Variants in PDE10A observed in about 807,000 individuals in gnomAD.
PDE10A encodes the protein phosphodiesterase 10A, also known as cAMP and cAMP-inhibited cGMP 3',5'-cyclic phosphodiesterase 10A.
A neutral mutation model predicts 97.7 loss-of-function variants in PDE10A; 39 were observed. The observed-to-expected ratio is 0.40, with a 90% CI of 0.31 to 0.52. The LOEUF is 0.52. Among genes scored for constraint, PDE10A ranks in the 20% least tolerant of loss-of-function variants. The probability of loss-of-function intolerance (pLI) is 0.56; values close to 1 mark genes in which losing one functional copy is unlikely to be tolerated. For synonymous variants in PDE10A, 371 were observed against 376.8 expected (o/e 0.98, Z 0.18); for missense variants, 731 against 1,047.8 (o/e 0.70, Z 4.17).
intron 3 of PDE10A, among the ~76,000 whole-genome samples, chr6:165,472,731 T>C (rs1033120700): frequency 1.3e-5 from 2 of 152,088 alleles, no homozygotes; most frequent in Non-Finnish European, 2.9e-5. Flanking sequence ...GTATAACACA[T>C]AGAAGAAATA....
At chr6:165,415,398 A>G (rs1300023499) in intron 12 of PDE10A, among the ~76,000 whole-genome samples, 2 of 152,178 alleles carry the variant, frequency 1.3e-5, no homozygotes, top group African/African-American at 4.8e-5. Context: ...AATTAACTAA[A>G]CACTGCTGTC....
chr6:165,662,837 C>A lies in PDE10A; in HGVS notation c.-26G>T, dbSNP rs1304261514. ...GGTTCCTCCCCGGGCCGCGGAGGGG[C>A]AGGCCGCGGGCGGGAGGGGCGCGGC... On this transcript the variant is annotated 5_prime_UTR_variant, in exon 1 of 22. Transcript: ENST00000539869. Among the ~76,000 whole-genome samples the A allele has an allele frequency of 6.8e-6, 1 of 147,872 alleles. No homozygotes were observed. The highest frequency in any genetic ancestry group is 2.5e-5 in the African/African-American group (1 of 40,336).
chr6:165,439,082 G>T (rs1309154031), intron 5 of PDE10A, among the ~76,000 whole-genome samples: 2 of 151,954 alleles, frequency 1.3e-5, no homozygotes, highest in East Asian at 3.9e-4. Context: ...AGGAAATAGG[G>T]ACTTCATTTT....
At chr6:165,540,662 C>T (rs1047535874) in intron 2 of PDE10A, among the ~76,000 whole-genome samples, 1 of 152,310 alleles carries the variant, frequency 6.6e-6, no homozygotes, top group African/African-American at 2.4e-5. Context: ...TGTTTGGTTG[C>T]TCTGCTGCCC....
intron 1 of PDE10A, among the ~76,000 whole-genome samples, chr6:165,653,906 G>C (rs1371796471): frequency 6.6e-6 from 1 of 152,104 alleles, no homozygotes; most frequent in Non-Finnish European, 1.5e-5. Context: ...CCCCAGCCAT[G>C]AGATCCTCCT....
intron 1 of PDE10A, among the ~76,000 whole-genome samples, chr6:165,590,651 C>G (rs527521728): frequency 6.6e-6 from 1 of 152,056 alleles, no homozygotes; most frequent in African/African-American, 2.4e-5. Flanking sequence ...CAGCCGTTTG[C>G]GAGGCCGAGG....
chr6:165,936,246 C>G (rs1242040522), intron 1 of PDE10A, among the ~76,000 whole-genome samples: 1 of 152,070 alleles, frequency 6.6e-6, no homozygotes, highest in Admixed American at 6.5e-5. Context: ...GATATGAAAT[C>G]CATTTTACTG....
chr6:165,339,472 T>A, intron 19 of PDE10A, 114 bp from the exon 20 acceptor site: 1 of 716,384 alleles, frequency 1.4e-6, no homozygotes, highest in East Asian at 2.6e-5. Flanking sequence ...AAATAATGTT[T>A]GTGGTTGTTA....
chr6:165,357,738 T>C (rs1000566955), intron 18 of PDE10A, among the ~76,000 whole-genome samples: 1 of 115,326 alleles, frequency 8.7e-6, no homozygotes, highest in Non-Finnish European at 1.7e-5. Context: ...TTGGTGTTAA[T>C]ATTTTCTTTT....
rs1232740999 is a variant in PDE10A at position 165,332,152 on chromosome 6, C to A, written c.*873G>T. On this transcript the variant is annotated 3_prime_UTR_variant, in exon 22 of 22. Coordinates refer to ENST00000539869, the MANE Select transcript of PDE10A (RefSeq NM_001385079.1). ...AAAGGAATCATTATGAAAAATGTAC[C>A]CTTCGTATCCATAAGACTTGTCCAT... The A allele has an allele frequency of 6.6e-6, 1 of 151,932 alleles. No homozygotes were observed. The highest frequency in any genetic ancestry group is 1.5e-5 in the Non-Finnish European group (1 of 67,976). 9.4% of individuals were successfully genotyped at this position (151,932 alleles called of 1,614,324 possible).
chr6:165,605,728 C>T (rs1167860738), intron 1 of PDE10A, among the ~76,000 whole-genome samples: 1 of 152,086 alleles, frequency 6.6e-6, no homozygotes, highest in Admixed American at 6.5e-5. Context: ...GCATGCAATG[C>T]TACTACTGTT....
intron 1 of PDE10A, among the ~76,000 whole-genome samples, chr6:165,888,421 G>A (rs6906978): frequency 0.25 from 37,891 of 151,550 alleles, 5,564 homozygotes; most frequent in African/African-American, 0.41. Context: ...GAGTAGCTGG[G>A]ACTACAAACG....
chr6:165,333,391 T>C (rs186027272), intron 21 of PDE10A, among the ~76,000 whole-genome samples: 109 of 152,296 alleles, frequency 7.2e-4, no homozygotes, highest in Middle Eastern at 6.8e-3. Context: ...GGGCTCAGCA[T>C]ACGTCCTTTC....
chr6:165,859,416 C>T (rs780271983), intron 1 of PDE10A, among the ~76,000 whole-genome samples: 21 of 152,340 alleles, frequency 1.4e-4, no homozygotes, highest in Non-Finnish European at 2.9e-4. Context: ...AAACCCTGCC[C>T]CACTCAACAA....
chr6:165,807,107 A>C (rs1779162408), intron 1 of PDE10A, among the ~76,000 whole-genome samples: 1 of 152,182 alleles, frequency 6.6e-6, no homozygotes, highest in Non-Finnish European at 1.5e-5. Context: ...TACACGTGAG[A>C]GAAAACCTGA....
At chr6:165,473,048 A>G (rs1420485664) in intron 3 of PDE10A, among the ~76,000 whole-genome samples, 4 of 152,202 alleles carry the variant, frequency 2.6e-5, no homozygotes, top group African/African-American at 9.6e-5. Context: ...TAACCAGTCT[A>G]TGAAAATTTT....
In PDE10A at chr6:165,904,856, A is replaced by G. The variant is rs2128485007; in HGVS notation, c.-615+82673T>C. 2.0e-5 allele frequency among the ~76,000 whole-genome samples: 3 copies of G among 152,344 alleles called. No homozygotes were observed. In the Middle Eastern group the frequency reaches 0.01, roughly 518 times the overall value. On this transcript the variant is annotated intron_variant, in intron 1 of 19. Coordinates refer to the PDE10A transcript ENST00000366882. ...AACTCTCCTTCTTTTTATCAGCAGC[A>G]TAAAATTGGTCACATTCAAAGACTT...
chr6:165,617,630 C>T (rs190132139), intron 1 of PDE10A, among the ~76,000 whole-genome samples: 2 of 152,214 alleles, frequency 1.3e-5, no homozygotes, highest in Admixed American at 1.3e-4. Context: ...ACACTGATCC[C>T]AGTCTGCCCA....
intron 1 of PDE10A, among the ~76,000 whole-genome samples, chr6:165,886,666 G>A (rs1781640205): frequency 1.3e-5 from 2 of 152,320 alleles, no homozygotes; most frequent in South Asian, 4.1e-4. Flanking sequence ...TGTATCACAT[G>A]TTGGCTTGGT....
Sources: allele counts gnomAD v4.1 joint callset (sites outside exome capture counted in the v4.1 genomes callset), GRCh38; gene constraint gnomAD v4.1.1; transcripts MANE v1.5; gene names NCBI Gene and HGNC (gene_info 2026-07-23, HGNC 2026-07-21).